PRRC1: variants seen among roughly 807,000 people sequenced by gnomAD.
The protein encoded by PRRC1 is protein PRRC1.
In PRRC1, 39 loss-of-function variants were observed where a neutral mutation model predicts 40.7. That is an observed-to-expected ratio of 0.96 (90% CI 0.74 to 1.25). PRRC1 has a LOEUF of 1.25. Among genes scored for constraint, PRRC1 ranks in the 50% most tolerant of loss-of-function variants. The pLI, the probability that PRRC1 is intolerant of heterozygous loss-of-function variation, is 0.00. For missense variants in PRRC1, 573 were observed against 548.3 expected (o/e 1.05, Z -0.45); for synonymous variants, 175 against 193.3 (o/e 0.91, Z 0.79).
rs1183196144 is a variant in PRRC1 at position 127,551,981 on chromosome 5, G to T, written c.*65G>T. 2 of 1,601,954 alleles carry T rather than the reference G, an allele frequency of 1.2e-6. No individual in the cohort carries two copies. Among genetic ancestry groups the T allele is most frequent in the Non-Finnish European group, 1.7e-6 (2 of 1,173,404 alleles). ...TTAGCTTGATGTTAAAGAAGTGGTT[G>T]TACCTTCCTAAATCGAATAGTCTAA... On this transcript the variant is annotated 3_prime_UTR_variant, in exon 9 of 9. Coordinates refer to ENST00000296666, the MANE Select transcript of PRRC1 (RefSeq NM_130809.5).
Position 127,554,763 on chromosome 5 carries a change from T to A in PRRC1, c.*2847T>A, listed in dbSNP as rs1460160548. 1 of 152,658 alleles carries A rather than the reference T, an allele frequency of 6.6e-6. No individual in the cohort carries two copies. Among genetic ancestry groups the A allele is most frequent in the Admixed American group, 6.5e-5 (1 of 15,290 alleles). The allele number at this position is 152,658 out of a possible 1,614,324, so 9.5% of individuals were successfully genotyped here. A position where few individuals can be genotyped will look rare whatever the true frequency, so the allele number is the denominator to read the frequency against. On this transcript the variant is annotated 3_prime_UTR_variant, in exon 9 of 9. Transcript: ENST00000296666. ...GATAGTATAAGTATCTAAGTGCAGA[T>A]GAAAGTGTGTTATATACATCCATTC...
At chr5:127,550,118 C>T (rs1768337282) in intron 8 of PRRC1, 4 of 151,298 alleles carry the variant, frequency 2.6e-5, no homozygotes, top group Admixed American at 2.6e-4. Flanking sequence ...GGGAAAAAGG[C>T]CTGGAAAGAT....
At chr5:127,546,518 G>T (rs981978895) in intron 7 of PRRC1, among the ~76,000 whole-genome samples, 11 of 152,124 alleles carry the variant, frequency 7.2e-5, no homozygotes, top group Non-Finnish European at 1.3e-4. Context: ...TCTTGAGAAG[G>T]TTCATCCTTT....
chr5:127,531,617 C>CTTTTTTTTTTTT lies in PRRC1; in HGVS notation c.757+1233_757+1244dup, dbSNP rs60179366. Among the ~76,000 whole-genome samples the CTTTTTTTTTTTT allele has an allele frequency of 2.0e-3, 198 of 99,630 alleles. 16 individuals are homozygous for CTTTTTTTTTTTT. The highest frequency in any genetic ancestry group is 8.6e-3 in the African/African-American group (186 of 21,546). The allele number at this position is 99,630 out of a possible 152,430, so 65.4% of individuals were successfully genotyped here. ...GCCAGGTGTTTTTATTCTTCTTCTT[C>CTTTTTTTTTTTT]TTTTTTTTTTTTTTTTTTTTTTTGA... On this transcript the variant is annotated intron_variant, in intron 5 of 8. Transcript: ENST00000296666.
chr5:127,531,617 C>CTTTTTTTTTTTGTTTTTTT (rs1767773022), intron 5 of PRRC1, among the ~76,000 whole-genome samples: 1 of 99,680 alleles, frequency 1.0e-5, no homozygotes, highest in African/African-American at 4.6e-5. Flanking sequence ...TCTTCTTCTT[C>CTTTTTTTTTTTGTTTTTTT]TTTTTTTTTT....
rs1768452288 is a variant in PRRC1 at position 127,553,731 on chromosome 5, C to T, written c.*1815C>T. 1 of 1,510,118 alleles carries T rather than the reference C, an allele frequency of 6.6e-7. No homozygotes were observed. The highest frequency in any genetic ancestry group is 1.4e-5 in the African/African-American group (1 of 71,318). 93.5% of individuals were successfully genotyped at this position (1,510,118 alleles called of 1,614,324 possible). A position where few individuals can be genotyped will look rare whatever the true frequency, so the allele number is the denominator to read the frequency against. Reference sequence around the variant, plus strand: ...TTCTTTGATTTTTATTTTACCAAGTCACAAATGTCTTTTTGATGTTTTGAG... The same window carrying T: ...TTCTTTGATTTTTATTTTACCAAGTTACAAATGTCTTTTTGATGTTTTGAG... On this transcript the variant is annotated 3_prime_UTR_variant, in exon 9 of 9. Transcript: ENST00000296666.
chr5:127,543,758 C>A (rs1561686962), intron 7 of PRRC1, among the ~76,000 whole-genome samples: 1 of 152,186 alleles, frequency 6.6e-6, no homozygotes, highest in African/African-American at 2.4e-5. Flanking sequence ...ATTGGTTATT[C>A]TAGTTATACA....
intron 1 of PRRC1, among the ~76,000 whole-genome samples, chr5:127,518,173 G>A (rs934244298): frequency 3.4e-4 from 51 of 152,218 alleles, no homozygotes; most frequent in African/African-American, 1.0e-3. Flanking sequence ...GCCCTGTCTG[G>A]CCTGGAGACG....
In PRRC1 at chr5:127,533,852, A is replaced by G. The variant is rs780385714; in HGVS notation, c.921+66A>G. On this transcript the variant is annotated intron_variant, in intron 6 of 8. Coordinates refer to ENST00000296666, the MANE Select transcript of PRRC1 (RefSeq NM_130809.5). ...ATTTAATTTTTTCACAATTCTGATAATCTGTTGTCTCTATGGAGCTAATAG... is the reference window on the plus strand; with the variant it reads ...ATTTAATTTTTTCACAATTCTGATAGTCTGTTGTCTCTATGGAGCTAATAG... The G allele has an allele frequency of 2.2e-4, 345 of 1,536,912 alleles. 1 individual carries two copies. The highest frequency in any genetic ancestry group is 2.9e-4 in the Non-Finnish European group (321 of 1,110,824).
chr5:127,533,867 G>T, intron 6 of PRRC1, 81 bp downstream of exon 6: 1 of 1,435,030 alleles, frequency 7.0e-7, no homozygotes, highest in East Asian at 2.3e-5. Flanking sequence ...TTGTCTCTAT[G>T]GAGCTAATAG....
In PRRC1 at chr5:127,552,271, A is replaced by T; in HGVS notation, c.*355A>T. On this transcript the variant is annotated 3_prime_UTR_variant, in exon 9 of 9. Transcript: ENST00000296666. ...TATTTTGTTCTTTAAAGAAGACATT[A>T]TTAAAGAACATGTTGGTTGAATGTT... The T allele has an allele frequency of 9.5e-7, 1 of 1,050,962 alleles. No individual in the cohort carries two copies. The highest frequency in any genetic ancestry group is 1.2e-6 in the Non-Finnish European group (1 of 869,010). The allele number at this position is 1,050,962 out of a possible 1,614,324, so 65.1% of individuals were successfully genotyped here.
chr5:127,540,296 A>G lies in PRRC1; in HGVS notation c.1025+1153A>G, dbSNP rs187186180. 2.1e-3 allele frequency among the ~76,000 whole-genome samples: 314 copies of G among 152,184 alleles called. 4 individuals carry two copies. Among genetic ancestry groups the G allele is most frequent in the African/African-American group, 7.0e-3 (290 of 41,550 alleles). ...TTAGAAATTACAATATGCCTTTTTG[A>G]TATAACAAAAATTATAACTTGTGAT... On this transcript the variant is annotated intron_variant, in intron 7 of 8. Coordinates refer to ENST00000296666, the MANE Select transcript of PRRC1 (RefSeq NM_130809.5).
In PRRC1 at chr5:127,524,597, C is replaced by CT; in HGVS notation, c.171dup (p.Thr58TyrfsTer47). ...GAGTCCTTCCCACCACTCGCATACT[C>CT]TACTCCTCAGCCGCCCCTTCCTCCT... On this transcript the variant is annotated frameshift_variant, in exon 3 of 9. Transcript: ENST00000296666. LOFTEE classifies it high-confidence loss of function. 6.2e-7 allele frequency: 1 copy of CT among 1,614,158 alleles called. No individual in the cohort carries two copies. The highest frequency in any genetic ancestry group is 8.5e-7 in the Non-Finnish European group (1 of 1,180,000).
intron 8 of PRRC1, chr5:127,551,392 G>T: frequency 7.7e-6 from 2 of 258,582 alleles, no homozygotes; most frequent in Non-Finnish European, 1.5e-5. Context: ...TACTATAAAA[G>T]ATAACTTTAG....
chr5:127,549,225 T>G (rs915520678), intron 8 of PRRC1: 7 of 152,174 alleles, frequency 4.6e-5, no homozygotes, highest in Non-Finnish European at 8.8e-5. Context: ...AGAGATGATT[T>G]GCTGTATGAG....
At chr5:127,546,506 G>A (rs950179323) in intron 7 of PRRC1, among the ~76,000 whole-genome samples, 1 of 152,100 alleles carries the variant, frequency 6.6e-6, no homozygotes, top group Non-Finnish European at 1.5e-5. Context: ...GTCTTTAAGT[G>A]ATCTTGAGAA....
intron 5 of PRRC1, among the ~76,000 whole-genome samples, chr5:127,530,661 T>C (rs934097887): frequency 2.6e-5 from 4 of 152,136 alleles, no homozygotes; most frequent in Non-Finnish European, 5.9e-5. Flanking sequence ...TACTTGCTGA[T>C]TTTAATTTTA....
chr5:127,536,223 T>C lies in PRRC1; in HGVS notation c.921+2437T>C, dbSNP rs567211206. Among the ~76,000 whole-genome samples the C allele has an allele frequency of 5.3e-5, 8 of 152,034 alleles. No homozygotes were observed. The South Asian group carries it at 1.5e-3, about 28-fold the overall frequency. The stretch of plus-strand genomic sequence containing the variant: ...ACATTGCCAATAAGAGTTTCTTTGG[T>C]GGTAGGTGTTTGGACTTAATAAAAT... On this transcript the variant is annotated intron_variant, in intron 6 of 8. Coordinates refer to ENST00000296666, the MANE Select transcript of PRRC1 (RefSeq NM_130809.5).
intron 2 of PRRC1, among the ~76,000 whole-genome samples, chr5:127,524,313 C>T (rs1767542685): frequency 6.6e-6 from 1 of 152,084 alleles, no homozygotes; most frequent in South Asian, 2.1e-4. Context: ...TGAACAATGC[C>T]ATAGGTTCAT....
Sources: allele counts gnomAD v4.1 joint callset (sites outside exome capture counted in the v4.1 genomes callset), GRCh38; gene constraint gnomAD v4.1.1; transcripts MANE v1.5; gene names NCBI Gene and HGNC (gene_info 2026-07-23, HGNC 2026-07-21).